REG1A: variants seen among roughly 807,000 people sequenced by gnomAD.
REG1A encodes lithostathine-1-alpha.
A neutral mutation model predicts 20.7 loss-of-function variants in REG1A; 20 were observed. That is an observed-to-expected ratio of 0.97 (90% CI 0.68 to 1.41). REG1A has a LOEUF of 1.41. Ranked by LOEUF, REG1A falls within the 40% of genes most tolerant of loss-of-function variation. The pLI is 0.00. For synonymous variants in REG1A, 90 were observed against 71.6 expected (o/e 1.26, Z -1.30); for missense variants, 193 against 201.8 (o/e 0.96, Z 0.26).
intron 3 of REG1A, 134 bp downstream of exon 3, chr2:79,121,814 A>G (rs752926880): frequency 1.3e-5 from 17 of 1,327,820 alleles, no homozygotes; most frequent in South Asian, 4.7e-5. Context: ...AAACTTTCCA[A>G]TCTACTTTAT....
rs187553566 is a variant in REG1A at position 79,123,023 on chromosome 2, G to T, written c.433+71G>T. On this transcript the variant is annotated intron_variant, in intron 5 of 5. Coordinates refer to ENST00000233735, the MANE Select transcript of REG1A (RefSeq NM_002909.5). ...TAGCTCCAGGGATGGAACTGGGACT[G>T]GGATAGAGGAAAGGTGAACTCCTCA... 302 of 1,480,026 alleles carry T rather than the reference G, an allele frequency of 2.0e-4. 6 individuals carry two copies. The East Asian group carries it at 6.5e-3, about 32-fold the overall frequency. 91.7% of individuals were successfully genotyped at this position (1,480,026 alleles called of 1,614,324 possible). A position where few individuals can be genotyped will look rare whatever the true frequency, so the allele number is the denominator to read the frequency against.
chr2:79,121,381 T>C (rs576334655), intron 2 of REG1A, among the ~76,000 whole-genome samples, 181 bp from the exon 3 acceptor site: 15 of 152,300 alleles, frequency 9.8e-5, no homozygotes, highest in African/African-American at 2.9e-4. Flanking sequence ...CATTCTGTTT[T>C]TTTTCCCCTG....
chr2:79,122,069 A>C lies in REG1A; in HGVS notation c.265A>C (p.Lys89Gln), dbSNP rs1289139306. ...GGGTGCCTTTGTGGCCTCACTGATT[A>C]AGGAGAGTGGCACTGATGACTTCAA... ...AEGAFVASLI[K>Q]ESGTDDFNVW... is the part of the protein sequence containing the mutation. The change falls in exon 4 of 6, where the codon AAG becomes CAG. Residue 89 changes from lysine to glutamine, a missense_variant. Coordinates refer to ENST00000233735, the MANE Select transcript of REG1A (RefSeq NM_002909.5). The C allele has an allele frequency of 1.2e-6, 2 of 1,614,084 alleles. No individual in the cohort carries two copies. Among genetic ancestry groups the C allele is most frequent in the Admixed American group, 3.3e-5 (2 of 60,004 alleles).
In REG1A at chr2:79,123,210, A is replaced by C. The variant is rs1672914171; in HGVS notation, c.496A>C (p.Asn166His). 4 of 1,606,610 alleles carry C rather than the reference A, an allele frequency of 2.5e-6. No homozygotes were observed. In the East Asian group the frequency reaches 8.9e-5, roughly 36 times the overall value. ...GTTCTCCTTTGTCTGCAAGTTCAAA[A>C]ACTAGAGGCAACTGGAAAATACATG... is the stretch of plus-strand genomic sequence containing the variant. The part of the protein sequence containing the change: ...DKFSFVCKFK[N>H] The change falls in exon 6 of 6, where the codon AAC becomes CAC. Residue 166 changes from asparagine to histidine, a missense_variant. Asn to His is a moderately conservative substitution (Grantham distance 68, BLOSUM62 1). Transcript: ENST00000233735.
intron 4 of REG1A, among the ~76,000 whole-genome samples, chr2:79,122,540 C>T (rs1198930793): frequency 1.3e-5 from 2 of 151,888 alleles, no homozygotes; most frequent in Non-Finnish European, 2.9e-5. Flanking sequence ...TAATGGTCAG[C>T]CAATGCTATG....
At position 79,123,182 on chromosome 2, in the gene REG1A, C is replaced by A. The variant is rs758525632; in HGVS notation, c.468C>A (p.Asp156Glu). 3.7e-6 allele frequency: 6 copies of A among 1,612,868 alleles called. No individual in the cohort carries two copies. The highest frequency in any genetic ancestry group is 1.3e-5 in the African/African-American group (1 of 74,892). ...AATGGAAGGATGTGCCTTGTGAAGA[C>A]AAGTTCTCCTTTGTCTGCAAGTTCA... The part of the protein sequence containing the change: ...FQKWKDVPCE[D>E]KFSFVCKFKN Residue 156 changes from aspartate to glutamate, a missense_variant, in exon 6 of 6, where the codon GAC (aspartate) becomes GAA (glutamate). Coordinates refer to ENST00000233735, the MANE Select transcript of REG1A (RefSeq NM_002909.5).
intron 3 of REG1A, 98 bp downstream of exon 3, chr2:79,121,778 C>A (rs1184483727): frequency 1.5e-6 from 2 of 1,344,664 alleles, no homozygotes; most frequent in Non-Finnish European, 2.1e-6. Flanking sequence ...TGAGACTGAA[C>A]CCCTTGCTAT....
chr2:79,121,780 C>A (rs1672889946), intron 3 of REG1A, 100 bp downstream of exon 3: 1 of 1,332,980 alleles, frequency 7.5e-7, no homozygotes. Context: ...AGACTGAACC[C>A]CTTGCTATAC....
intron 3 of REG1A, 83 bp downstream of exon 3, chr2:79,121,763 T>A (rs763835788): frequency 2.9e-6 from 4 of 1,399,842 alleles, no homozygotes; most frequent in Non-Finnish European, 4.1e-6. Flanking sequence ...GTGGCTGCAA[T>A]GAGATGAGAC....
rs929277262 is a variant in REG1A at position 79,123,353 on chromosome 2, T to G, written c.*138T>G. On this transcript the variant is annotated 3_prime_UTR_variant, in exon 6 of 6. Coordinates refer to ENST00000233735, the MANE Select transcript of REG1A (RefSeq NM_002909.5). ...AGTTTGCCTTGTTAATCTTCAATAG[T>G]TTTACCTACCCCAGTCTTTGGAACC... is the stretch of plus-strand genomic sequence containing the variant. The G allele has an allele frequency of 5.2e-6, 3 of 572,654 alleles. No individual in the cohort carries two copies. The highest frequency in any genetic ancestry group is 9.4e-6 in the Non-Finnish European group (3 of 317,638). The allele number at this position is 572,654 out of a possible 1,614,324, so 35.5% of individuals were successfully genotyped here.
Position 79,122,900 on chromosome 2 carries a change from A to C in REG1A, c.381A>C (p.Gly127=), listed in dbSNP as rs752689342. 55 of 1,613,864 alleles carry C rather than the reference A, an allele frequency of 3.4e-5. No homozygotes were observed. In the African/African-American group the frequency reaches 3.6e-4, roughly 11 times the overall value. ...TCTCCTACAAGTCCTGGGGCATTGG[A>C]GCCCCAAGCAGTGTTAATCCTGGCT... is the stretch of plus-strand genomic sequence containing the variant. The part of the protein sequence containing the change: ...SLVSYKSWGI[G]APSSVNPGYC... The change falls in exon 5 of 6, where the codon GGA becomes GGC. Residue 127 remains glycine (G), a synonymous_variant. Transcript: ENST00000233735.
Position 79,123,295 on chromosome 2 carries a change from C to T in REG1A, c.*80C>T. On this transcript the variant is annotated 3_prime_UTR_variant, in exon 6 of 6. Transcript: ENST00000233735. ...AAATTAAACCGGACCATCTCTCCAA[C>T]TCAACTCAACCTGGACACTCTCTTC... 1 of 855,194 alleles carries T rather than the reference C, an allele frequency of 1.2e-6. No individual in the cohort carries two copies. The highest frequency in any genetic ancestry group is 2.5e-5 in the East Asian group (1 of 39,246). 53.0% of individuals were successfully genotyped at this position (855,194 alleles called of 1,614,324 possible). A position where few individuals can be genotyped will look rare whatever the true frequency, so the allele number is the denominator to read the frequency against.
At chr2:79,120,589 G>C (rs1672868570) in intron 1 of REG1A, 75 bp downstream of exon 1, 3 of 358,534 alleles carry the variant, frequency 8.4e-6, no homozygotes, top group Non-Finnish European at 1.5e-5. Context: ...GATACAGCAT[G>C]AGTTTCTGTC....
rs983728480 is a variant in REG1A at position 79,122,866 on chromosome 2, G to A, written c.347G>A (p.Gly116Glu). The A allele has an allele frequency of 6.2e-7, 1 of 1,613,432 alleles. No individual in the cohort carries two copies. Among genetic ancestry groups the A allele is most frequent in the Admixed American group, 1.7e-5 (1 of 59,994 alleles). ...KKNRRWHWSSGSLVSYKSWGI... is the reference protein window; with the variant it reads ...KKNRRWHWSSESLVSYKSWGI... ...AACCGCCGCTGGCACTGGAGCAGTG[G>A]GTCCCTGGTCTCCTACAAGTCCTGG... Residue 116 changes from glycine to glutamate, a missense_variant, in exon 5 of 6, where the codon GGG becomes GAG. Gly to Glu is a moderately conservative substitution (Grantham distance 98). Coordinates refer to ENST00000233735, the MANE Select transcript of REG1A (RefSeq NM_002909.5).
intron 1 of REG1A, 128 bp from the exon 2 acceptor site, chr2:79,120,688 A>G (rs966798071): frequency 8.7e-6 from 4 of 460,370 alleles, no homozygotes; most frequent in Non-Finnish European, 1.2e-5. Context: ...CTCAAGAGAA[A>G]CATTTGAAGG....
chr2:79,122,316 G>A, intron 4 of REG1A, 191 bp downstream of exon 4: 1 of 571,346 alleles, frequency 1.8e-6, no homozygotes, highest in Non-Finnish European at 3.0e-6. Flanking sequence ...GAATTTCCTA[G>A]GTGTTCTTGT....
chr2:79,123,312 A>G lies in REG1A; in HGVS notation c.*97A>G. ...CTCTCCAACTCAACTCAACCTGGAC[A>G]CTCTCTTCTCTGCTGAGTTTGCCTT... On this transcript the variant is annotated 3_prime_UTR_variant, in exon 6 of 6. Transcript: ENST00000233735. 7 of 705,374 alleles carry G rather than the reference A, an allele frequency of 9.9e-6. No homozygotes were observed. The highest frequency in any genetic ancestry group is 1.5e-5 in the Non-Finnish European group (6 of 411,890). 43.7% of individuals were successfully genotyped at this position (705,374 alleles called of 1,614,324 possible). A position where few individuals can be genotyped will look rare whatever the true frequency, so the allele number is the denominator to read the frequency against.
chr2:79,122,321 T>G, intron 4 of REG1A, 196 bp downstream of exon 4: 1 of 560,994 alleles, frequency 1.8e-6, no homozygotes, highest in Non-Finnish European at 3.1e-6. Flanking sequence ...TCCTAGGTGT[T>G]CTTGTCATTC....
intron 2 of REG1A, 102 bp from the exon 3 acceptor site, chr2:79,121,460 T>C (rs1002645541): frequency 7.9e-6 from 7 of 887,178 alleles, no homozygotes; most frequent in East Asian, 2.4e-5. Flanking sequence ...CATAATAGAC[T>C]GGATTCTTCT....
Sources: allele counts gnomAD v4.1 joint callset (sites outside exome capture counted in the v4.1 genomes callset), GRCh38; gene constraint gnomAD v4.1.1; transcripts MANE v1.5; gene names NCBI Gene and HGNC (gene_info 2026-07-23, HGNC 2026-07-21).